KCNH7: variants seen among roughly 807,000 people sequenced by gnomAD.
KCNH7 encodes the protein voltage-gated inwardly rectifying potassium channel KCNH7.
A neutral mutation model predicts 120.8 loss-of-function variants in KCNH7; 49 were observed. That is an observed-to-expected ratio of 0.41 (90% CI 0.32 to 0.51). KCNH7 has a LOEUF of 0.51. Among genes scored for constraint, KCNH7 ranks in the 20% least tolerant of loss-of-function variants. KCNH7 has a pLI of 0.38. For synonymous variants in KCNH7, 547 were observed against 516.1 expected, an observed-to-expected ratio of 1.06 and a Z score of -0.81; for missense variants, 1,097 against 1,446.6, an observed-to-expected ratio of 0.76 and a Z score of 3.92.
At chr2:162,748,318 T>C (rs899130818) in intron 2 of KCNH7, among the ~76,000 whole-genome samples, 2 of 152,202 alleles carry the variant, frequency 1.3e-5, no homozygotes, top group Non-Finnish European at 2.9e-5. Context: ...GATATCCAGG[T>C]TGAATTTTTC....
At chr2:162,432,934 G>A (rs1222428243) in intron 8 of KCNH7, among the ~76,000 whole-genome samples, 1 of 151,968 alleles carries the variant, frequency 6.6e-6, no homozygotes. Flanking sequence ...AATGATAAAT[G>A]TCTTCAGTAA....
At chr2:162,446,629 G>T (rs1266304360) in intron 6 of KCNH7, among the ~76,000 whole-genome samples, 186 bp from the exon 7 acceptor site, 1 of 151,924 alleles carries the variant, frequency 6.6e-6, no homozygotes, top group Non-Finnish European at 1.5e-5. Context: ...AGTGTATTTG[G>T]CTCAAGAAAA....
chr2:162,521,110 A>G (rs548914093), intron 3 of KCNH7, among the ~76,000 whole-genome samples: 2 of 151,840 alleles, frequency 1.3e-5, no homozygotes, highest in Non-Finnish European at 2.9e-5. Flanking sequence ...CTTTCACCAC[A>G]GTTAATAATT....
chr2:162,604,284 A>G (rs974133017), intron 2 of KCNH7, among the ~76,000 whole-genome samples: 3 of 151,830 alleles, frequency 2.0e-5, no homozygotes, highest in African/African-American at 4.8e-5. Flanking sequence ...TAGAAATTCT[A>G]CTCTTTGTGC....
intron 2 of KCNH7, among the ~76,000 whole-genome samples, chr2:162,766,907 A>AC (rs1330532684): frequency 1.4e-5 from 2 of 146,988 alleles, no homozygotes; most frequent in African/African-American, 5.3e-5. Context: ...ACACACACAT[A>AC]AACACACATC....
At chr2:162,485,383 G>A (rs1354945370) in intron 6 of KCNH7, among the ~76,000 whole-genome samples, 5 of 152,096 alleles carry the variant, frequency 3.3e-5, no homozygotes, top group South Asian at 2.1e-4. Context: ...TTAGGTTTAT[G>A]CCTTAGTTTT....
At chr2:162,627,456 G>A (rs2105209440) in intron 2 of KCNH7, among the ~76,000 whole-genome samples, 1 of 152,178 alleles carries the variant, frequency 6.6e-6, no homozygotes, top group East Asian at 1.9e-4. Context: ...CATGCATTCA[G>A]GCAAAACATT....
chr2:162,645,301 C>T (rs1684318574), intron 2 of KCNH7, among the ~76,000 whole-genome samples: 1 of 152,060 alleles, frequency 6.6e-6, no homozygotes, highest in South Asian at 2.1e-4. Context: ...GCACGTGCCA[C>T]CATACCCAGC....
At chr2:162,393,617 T>C (rs950752316) in intron 12 of KCNH7, among the ~76,000 whole-genome samples, 1 of 151,874 alleles carries the variant, frequency 6.6e-6, no homozygotes, top group African/African-American at 2.4e-5. Flanking sequence ...TTGTTCATAG[T>C]GAAAGATGCA....
At chr2:162,662,732 T>C (rs911100905) in intron 2 of KCNH7, among the ~76,000 whole-genome samples, 2 of 152,206 alleles carry the variant, frequency 1.3e-5, no homozygotes, top group African/African-American at 4.8e-5. Context: ...TTTGCTTGCT[T>C]GTTTACAACT....
intron 2 of KCNH7, among the ~76,000 whole-genome samples, chr2:162,715,836 G>A (rs1414925635): frequency 6.6e-6 from 1 of 152,066 alleles, no homozygotes; most frequent in Admixed American, 6.6e-5. Flanking sequence ...TGGAAAGTAT[G>A]GGAAGTATGT....
chr2:162,748,932 TTCC>T (rs1402868001), intron 2 of KCNH7, among the ~76,000 whole-genome samples: 52 of 47,904 alleles, frequency 1.1e-3, no homozygotes, highest in South Asian at 3.6e-3. Context: ...TTTCCTTTCC[TTCC>T]TTCCTTCCTT....
At chr2:162,432,424 T>G (rs1031289214) in intron 8 of KCNH7, among the ~76,000 whole-genome samples, 1 of 152,004 alleles carries the variant, frequency 6.6e-6, no homozygotes, top group Non-Finnish European at 1.5e-5. Context: ...GAAAAGTACA[T>G]TTTATATAAA....
At chr2:162,644,537 C>A (rs942293222) in intron 2 of KCNH7, among the ~76,000 whole-genome samples, 2 of 152,168 alleles carry the variant, frequency 1.3e-5, no homozygotes, top group African/African-American at 2.4e-5. Flanking sequence ...GGTTTGAAAT[C>A]TGACCAACAT....
chr2:162,464,187 C>CA (rs1689238213), intron 6 of KCNH7, among the ~76,000 whole-genome samples: 1 of 151,926 alleles, frequency 6.6e-6, no homozygotes, highest in Admixed American at 6.6e-5. Context: ...GATGTAGAAG[C>CA]ATAATTTTGT....
chr2:162,568,722 G>C (rs1044860238), intron 2 of KCNH7, among the ~76,000 whole-genome samples: 1 of 151,848 alleles, frequency 6.6e-6, no homozygotes, highest in African/African-American at 2.4e-5. Flanking sequence ...ATATATAAAA[G>C]AAAGAAGTCT....
At chr2:162,382,264 T>TA (rs1686440007) in intron 13 of KCNH7, among the ~76,000 whole-genome samples, 2 of 152,096 alleles carry the variant, frequency 1.3e-5, no homozygotes, top group African/African-American at 4.8e-5. Flanking sequence ...TGTATACTCT[T>TA]AGAGGCTTCC....
At chr2:162,493,833 A>G (rs1468148759) in intron 6 of KCNH7, among the ~76,000 whole-genome samples, 1 of 152,196 alleles carries the variant, frequency 6.6e-6, no homozygotes, top group African/African-American at 2.4e-5. Context: ...TTAGGGTTAG[A>G]GAATAGTTTT....
chr2:162,540,263 A>T (rs1322366113), intron 2 of KCNH7, among the ~76,000 whole-genome samples: 1 of 150,214 alleles, frequency 6.7e-6, no homozygotes, highest in Non-Finnish European at 1.5e-5. Flanking sequence ...ACATGCAAAT[A>T]TACTAATATT....
Sources: gnomAD v4.1 joint callset for allele counts (sites outside exome capture counted in the v4.1 genomes callset) on GRCh38, gnomAD v4.1.1 for gene constraint, MANE v1.5 for transcripts, NCBI Gene and HGNC (gene_info 2026-07-23, HGNC 2026-07-21) for gene names.